Variants in ADAMTS2 observed in about 807,000 individuals in gnomAD.
ADAMTS2 encodes the protein ADAM metallopeptidase with thrombospondin type 1 motif 2.
In ADAMTS2, 50 loss-of-function variants were observed where a neutral mutation model predicts 123.0. The observed-to-expected ratio is 0.41, with a 90% CI of 0.32 to 0.51. The LOEUF (loss-of-function observed/expected upper bound fraction) is 0.51, where lower values mean the gene tolerates loss of function less well. Ranked by LOEUF, ADAMTS2 falls within the 20% of genes least tolerant of loss-of-function variation. The pLI is 0.35. For synonymous variants in ADAMTS2, 678 were observed against 695.4 expected, an observed-to-expected ratio of 0.98 and a Z score of 0.39; for missense variants, 1,494 against 1,705.2, an observed-to-expected ratio of 0.88 and a Z score of 2.18.
In ADAMTS2 at chr5:179,228,514, G is replaced by A. The variant is rs1292427923; in HGVS notation, c.689-20799C>T. Reference sequence around the variant, plus strand: ...ACCTGCCATAGCCCAAAACCAGTGTGGGTGTGAAGCGGAAGGAGACTCTGC... The same window carrying A: ...ACCTGCCATAGCCCAAAACCAGTGTAGGTGTGAAGCGGAAGGAGACTCTGC... On this transcript the variant is annotated intron_variant, in intron 3 of 21. Coordinates refer to ENST00000251582, the MANE Select transcript of ADAMTS2 (RefSeq NM_014244.5). This position sits in a 1 kb window ranked among gnomAD's most constrained non-coding sequence, Gnocchi z 5.2. 1.3e-5 allele frequency among the ~76,000 whole-genome samples: 2 copies of A among 152,234 alleles called. No individual in the cohort carries two copies. Among genetic ancestry groups the A allele is most frequent in the African/African-American group, 4.8e-5 (2 of 41,472 alleles).
At chr5:179,219,747 G>A (rs1021964523) in intron 3 of ADAMTS2, among the ~76,000 whole-genome samples, 1 of 152,194 alleles carries the variant, frequency 6.6e-6, no homozygotes. Flanking sequence ...CCTCACAGAG[G>A]TTCCCAAACA....
intron 4 of ADAMTS2, among the ~76,000 whole-genome samples, chr5:179,195,709 G>A (rs1438921064): frequency 1.3e-5 from 2 of 152,216 alleles, no homozygotes; most frequent in Non-Finnish European, 2.9e-5. Context: ...GCCCTCTTCT[G>A]AGCCTTGCGT....
intron 3 of ADAMTS2, among the ~76,000 whole-genome samples, chr5:179,265,058 C>T (rs1211119720): frequency 1.3e-5 from 2 of 152,228 alleles, no homozygotes; most frequent in African/African-American, 4.8e-5. Context: ...AACCCTGCAC[C>T]AAACTGCCCG....
intron 2 of ADAMTS2, among the ~76,000 whole-genome samples, chr5:179,293,763 G>A (rs375755225): frequency 3.3e-5 from 5 of 151,484 alleles, no homozygotes; most frequent in Middle Eastern, 7.0e-3. Context: ...ACAGGCACAC[G>A]CCACCACACC....
intron 17 of ADAMTS2, among the ~76,000 whole-genome samples, chr5:179,127,464 T>G (rs1581140277): frequency 6.6e-6 from 1 of 152,110 alleles, no homozygotes; most frequent in African/African-American, 2.4e-5. Context: ...CCTGTCTGCC[T>G]CTGGGTCCTA....
rs534517577 is a variant in ADAMTS2 at position 179,222,511 on chromosome 5, C to A, written c.689-14796G>T. 1.5e-3 allele frequency among the ~76,000 whole-genome samples: 236 copies of A among 152,358 alleles called. 1 individual carries two copies. Among genetic ancestry groups the A allele is most frequent in the African/African-American group, 5.3e-3 (219 of 41,582 alleles). On this transcript the variant is annotated intron_variant, in intron 3 of 21. Transcript: ENST00000251582. ...AGAGGATGGCAAAGGCCCTGCTTGC[C>A]GGGCCCCAGCTGCCCTCAACACTGC...
chr5:179,189,673 G>C lies in ADAMTS2; in HGVS notation c.892-8518C>G, dbSNP rs1764259554. Among the ~76,000 whole-genome samples the C allele has an allele frequency of 6.6e-6, 1 of 151,522 alleles. No homozygotes were observed. Among genetic ancestry groups the C allele is most frequent in the African/African-American group, 2.4e-5 (1 of 41,202 alleles). Reference sequence around the variant, plus strand: ...CGCCCGGCCAGGAGCAATTTTTTGTGGGCTGGGGACGGATTTTACAAAGTA... The same window carrying C: ...CGCCCGGCCAGGAGCAATTTTTTGTCGGCTGGGGACGGATTTTACAAAGTA... On this transcript the variant is annotated intron_variant, in intron 4 of 21. Coordinates refer to ENST00000251582, the MANE Select transcript of ADAMTS2 (RefSeq NM_014244.5). The surrounding 1 kb of genome is among the most constrained non-coding windows in gnomAD (Gnocchi z 4.2).
intron 19 of ADAMTS2, 93 bp from the exon 20 acceptor site, chr5:179,122,866 C>A: frequency 6.5e-7 from 1 of 1,528,052 alleles, no homozygotes; most frequent in South Asian, 1.2e-5. Context: ...GGCACATGAC[C>A]CATGCGCTCA....
intron 2 of ADAMTS2, among the ~76,000 whole-genome samples, chr5:179,330,103 G>A (rs1458937572): frequency 4.7e-5 from 7 of 147,998 alleles, no homozygotes; most frequent in Non-Finnish European, 7.5e-5. Context: ...TCCGCAGTCC[G>A]GCCTGGGCGA....
Position 179,332,031 on chromosome 5 carries a change from C to T in ADAMTS2, c.534+11736G>A, listed in dbSNP as rs1229806259. On this transcript the variant is annotated intron_variant, in intron 2 of 21. Coordinates refer to ENST00000251582, the MANE Select transcript of ADAMTS2 (RefSeq NM_014244.5). The surrounding 1 kb of genome is among the most constrained non-coding windows in gnomAD (Gnocchi z 4.2). Reference sequence around the variant, plus strand: ...TCTGACCAGGCGGCTATAAATTGGGCGGGTCCCACAACTCCCTCCTCAGGT... The same window carrying T: ...TCTGACCAGGCGGCTATAAATTGGGTGGGTCCCACAACTCCCTCCTCAGGT... Among the ~76,000 whole-genome samples the T allele has an allele frequency of 1.3e-5, 2 of 152,160 alleles. No individual in the cohort carries two copies. Among genetic ancestry groups the T allele is most frequent in the Non-Finnish European group, 2.9e-5 (2 of 68,036 alleles).
intron 4 of ADAMTS2, 38 bp downstream of exon 4, chr5:179,207,475 T>TCCCCCCCCCCCCCCCCC: frequency 1.7e-5 from 10 of 588,610 alleles, no homozygotes; most frequent in Admixed American, 4.1e-5. Context: ...TGGTTGACCC[T>TCCCCCCCCCCCCCCCCC]CCCCGCCCCA....
chr5:179,119,094 C>T (rs978488180), intron 21 of ADAMTS2, among the ~76,000 whole-genome samples: 2 of 152,214 alleles, frequency 1.3e-5, no homozygotes, highest in East Asian at 1.9e-4. Flanking sequence ...GGGCTGTAGG[C>T]GGCGTCTCTA....
Position 179,288,315 on chromosome 5 carries a change from C to T in ADAMTS2, c.535-15251G>A, listed in dbSNP as rs553596440. Among the ~76,000 whole-genome samples the T allele has an allele frequency of 2.2e-4, 33 of 152,352 alleles. No individual in the cohort carries two copies. The South Asian group carries it at 6.0e-3, about 28-fold the overall frequency. On this transcript the variant is annotated intron_variant, in intron 2 of 21. Transcript: ENST00000251582. ...TGCCCGCCTGCCCAGCTGCCACTCC[C>T]GGGCGGGCAGCCCTGCCAGGCCCGA...
chr5:179,340,365 T>A (rs1757738004), intron 2 of ADAMTS2, among the ~76,000 whole-genome samples: 1 of 152,076 alleles, frequency 6.6e-6, no homozygotes, highest in Non-Finnish European at 1.5e-5. Context: ...AGGCCACCCA[T>A]AGGAGCTGCA....
At chr5:179,311,794 G>A (rs910297219) in intron 2 of ADAMTS2, among the ~76,000 whole-genome samples, 53 of 152,036 alleles carry the variant, frequency 3.5e-4, no homozygotes, top group Admixed American at 1.9e-3. Flanking sequence ...CCACTCGCCC[G>A]TGCTGTATTC....
chr5:179,345,148 G>C lies in ADAMTS2; in HGVS notation c.139+42C>G, dbSNP rs1757903339. 1 of 1,078,652 alleles carries C rather than the reference G, an allele frequency of 9.3e-7. No homozygotes were observed. Among genetic ancestry groups the C allele is most frequent in the Non-Finnish European group, 1.1e-6 (1 of 890,560 alleles). 66.8% of individuals were successfully genotyped at this position (1,078,652 alleles called of 1,614,324 possible). ...GGCGGGGCACGCGGGACAGGGCCAG[G>C]CCGGCGGGGGTCCCGGGGAGTAGGG... is the stretch of plus-strand genomic sequence containing the variant. On this transcript the variant is annotated intron_variant, in intron 1 of 21. Coordinates refer to ENST00000251582, the MANE Select transcript of ADAMTS2 (RefSeq NM_014244.5). This position sits in a 1 kb window ranked among gnomAD's most constrained non-coding sequence, Gnocchi z 7.5.
chr5:179,280,920 CA>C, intron 2 of ADAMTS2, among the ~76,000 whole-genome samples: 1 of 152,204 alleles, frequency 6.6e-6, no homozygotes, highest in East Asian at 1.9e-4. Flanking sequence ...TGCAGTGGCG[CA>C]ACCTCAGCTC....
rs11749583 is a variant in ADAMTS2, at chr5:179,181,340, C to T, written c.892-185G>A. Among the ~76,000 whole-genome samples the T allele has an allele frequency of 0.095, 14,421 of 152,204 alleles. 907 individuals are homozygous for T. The highest frequency in any genetic ancestry group is 0.13 in the Non-Finnish European group (8,819 of 67,998). ...CCCTGCCCTCTGCCTCTCCAGGCTG[C>T]CACCACCACCTGCTGGGATCACTGT... On this transcript the variant is annotated intron_variant, in intron 4 of 21. Coordinates refer to ENST00000251582, the MANE Select transcript of ADAMTS2 (RefSeq NM_014244.5). This position sits in a 1 kb window ranked among gnomAD's most constrained non-coding sequence, Gnocchi z 4.1.
At chr5:179,340,744 C>T (rs1757749615) in intron 2 of ADAMTS2, among the ~76,000 whole-genome samples, 1 of 152,150 alleles carries the variant, frequency 6.6e-6, no homozygotes, top group African/African-American at 2.4e-5. Context: ...GGGGGCTCAG[C>T]TGAGAGCCTG....
Sources: allele counts gnomAD v4.1 joint callset (sites outside exome capture counted in the v4.1 genomes callset), GRCh38; gene constraint gnomAD v4.1.1; non-coding constraint Gnocchi (gnomAD v3.1); transcripts MANE v1.5; gene names NCBI Gene and HGNC (gene_info 2026-07-23, HGNC 2026-07-21).